CAMKMT: variants seen among roughly 807,000 people sequenced by gnomAD.
CAMKMT encodes the protein calmodulin-lysine N-methyltransferase.
CAMKMT carries 53 observed loss-of-function variants against 48.0 expected under a neutral mutation model. The ratio of observed to expected loss-of-function variants is 1.10; its 90% confidence interval spans 0.89 to 1.39. CAMKMT has a LOEUF of 1.39. Ranked by LOEUF, CAMKMT falls within the 40% of genes most tolerant of loss-of-function variation. The pLI, the probability that CAMKMT is intolerant of heterozygous loss-of-function variation, is 0.00. For synonymous variants in CAMKMT, 165 were observed against 152.3 expected (o/e 1.08, Z -0.61); for missense variants, 428 against 402.7 (o/e 1.06, Z -0.54).
intron 3 of CAMKMT, among the ~76,000 whole-genome samples, chr2:44,447,200 G>A (rs899424897): frequency 6.6e-6 from 1 of 152,188 alleles, no homozygotes; most frequent in Non-Finnish European, 1.5e-5. Flanking sequence ...TAAGAGATTG[G>A]CATAGGACAT....
chr2:44,416,152 G>C (rs527442559), intron 3 of CAMKMT, among the ~76,000 whole-genome samples: 1 of 152,170 alleles, frequency 6.6e-6, no homozygotes, highest in Non-Finnish European at 1.5e-5. Flanking sequence ...ACATACCTAC[G>C]TAACAATGTT....
chr2:44,648,129 GA>G (rs1244223992), intron 3 of CAMKMT, among the ~76,000 whole-genome samples: 4 of 151,560 alleles, frequency 2.6e-5, no homozygotes, highest in Non-Finnish European at 5.9e-5. Flanking sequence ...GACATGTCAT[GA>G]AAAAAAAGCT....
At chr2:44,654,620 C>G (rs1674268531) in intron 3 of CAMKMT, among the ~76,000 whole-genome samples, 1 of 152,164 alleles carries the variant, frequency 6.6e-6, no homozygotes. Context: ...TCAAGCAGTT[C>G]TTGTGTCTTG....
At chr2:44,673,892 T>C (rs1048774036) in intron 3 of CAMKMT, among the ~76,000 whole-genome samples, 3 of 152,186 alleles carry the variant, frequency 2.0e-5, no homozygotes, top group African/African-American at 7.2e-5. Flanking sequence ...AACAGTCTTT[T>C]AGGACACCCA....
At chr2:44,397,893 T>C (rs1397806755) in intron 3 of CAMKMT, among the ~76,000 whole-genome samples, 1 of 152,210 alleles carries the variant, frequency 6.6e-6, no homozygotes, top group Non-Finnish European at 1.5e-5. Flanking sequence ...TGCAATAATA[T>C]AGAGAGGTAG....
chr2:44,607,313 A>C lies in CAMKMT; in HGVS notation c.377-96970A>C, dbSNP rs562517072. 2.6e-5 allele frequency among the ~76,000 whole-genome samples: 4 copies of C among 152,336 alleles called. No homozygotes were observed. In the East Asian group the frequency reaches 7.7e-4, roughly 29 times the overall value. On this transcript the variant is annotated intron_variant, in intron 3 of 10. Coordinates refer to ENST00000378494, the MANE Select transcript of CAMKMT (RefSeq NM_024766.5). The stretch of plus-strand genomic sequence containing the variant: ...ACATTAAAATGTTTATCACAGTGGA[A>C]ATGGTAGAGAAATCTCTGTTTTTCT...
At chr2:44,766,226 C>T (rs1680835481) in intron 9 of CAMKMT, among the ~76,000 whole-genome samples, 1 of 152,192 alleles carries the variant, frequency 6.6e-6, no homozygotes, top group Non-Finnish European at 1.5e-5. Context: ...AGCAACTGGC[C>T]ATTTGGATGT....
chr2:44,433,477 A>C (rs1065786), intron 3 of CAMKMT, among the ~76,000 whole-genome samples: 99,265 of 151,882 alleles, frequency 0.65, 32,501 homozygotes, highest in South Asian at 0.74. Context: ...ATACGAAAAG[A>C]TGTTTTGTAG....
intron 3 of CAMKMT, among the ~76,000 whole-genome samples, chr2:44,601,885 A>G (rs1671013534): frequency 6.6e-6 from 1 of 152,136 alleles, no homozygotes; most frequent in East Asian, 1.9e-4. Flanking sequence ...GTCTAGAGGT[A>G]ATAGCTTAAC....
At chr2:44,409,735 A>G (rs1157542285) in intron 3 of CAMKMT, among the ~76,000 whole-genome samples, 1 of 152,188 alleles carries the variant, frequency 6.6e-6, no homozygotes, top group East Asian at 1.9e-4. Context: ...TGTAATTTAT[A>G]GATATTTTAA....
intron 3 of CAMKMT, among the ~76,000 whole-genome samples, chr2:44,432,453 C>T (rs184778873): frequency 6.6e-6 from 1 of 152,158 alleles, no homozygotes; most frequent in Admixed American, 6.5e-5. Context: ...AAAAGCAATG[C>T]CCCTGGGTCT....
intron 3 of CAMKMT, among the ~76,000 whole-genome samples, chr2:44,645,941 G>T (rs1449238398): frequency 6.6e-6 from 1 of 152,172 alleles, no homozygotes; most frequent in Non-Finnish European, 1.5e-5. Flanking sequence ...AATTATCTTT[G>T]CTCAGTGTTG....
chr2:44,707,390 T>G lies in CAMKMT; in HGVS notation c.493-9T>G. The G allele has an allele frequency of 6.2e-7, 1 of 1,612,168 alleles. No individual in the cohort carries two copies. ...CTCATTGTTTGCTGTGCTCCCTTTT[T>G]TTTTTCAGGTTGCTATTTCTGCAGA... On this transcript the variant is annotated splice_polypyrimidine_tract_variant and intron_variant, in intron 5 of 10. Coordinates refer to ENST00000378494, the MANE Select transcript of CAMKMT (RefSeq NM_024766.5).
intron 3 of CAMKMT, among the ~76,000 whole-genome samples, chr2:44,495,451 G>A (rs1402735742): frequency 6.6e-6 from 1 of 152,100 alleles, no homozygotes; most frequent in African/African-American, 2.4e-5. Flanking sequence ...GCCAAGAATT[G>A]ATATTTATTT....
At chr2:44,622,825 G>GA (rs1672273646) in intron 3 of CAMKMT, among the ~76,000 whole-genome samples, 2 of 152,186 alleles carry the variant, frequency 1.3e-5, no homozygotes, top group Admixed American at 6.5e-5. Flanking sequence ...TTGGTAGAAT[G>GA]ATTATATTCC....
chr2:44,520,587 T>C (rs752520056), intron 3 of CAMKMT, among the ~76,000 whole-genome samples: 4 of 152,152 alleles, frequency 2.6e-5, no homozygotes, highest in Non-Finnish European at 4.4e-5. Context: ...CATGATACAA[T>C]GGAAAAGGCA....
At chr2:44,684,737 C>A (rs1014153643) in intron 3 of CAMKMT, among the ~76,000 whole-genome samples, 6 of 152,098 alleles carry the variant, frequency 3.9e-5, no homozygotes, top group African/African-American at 1.2e-4. Context: ...TAAGCATGCA[C>A]CTTTCAGGCC....
Position 44,520,112 on chromosome 2 carries a change from G to A in CAMKMT, c.376+129807G>A, listed in dbSNP as rs187449767. Among the ~76,000 whole-genome samples, 1,250 of 151,838 alleles carry A rather than the reference G, an allele frequency of 8.2e-3. 18 individuals carry two copies. Among genetic ancestry groups the A allele is most frequent in the Admixed American group, 0.026 (404 of 15,272 alleles). On this transcript the variant is annotated intron_variant, in intron 3 of 10. Transcript: ENST00000378494. ...TGGGCACCTGTGGTCCCAGCTATTC[G>A]GGAGGCTGAGGCAGGAGAATGGCGT...
intron 3 of CAMKMT, among the ~76,000 whole-genome samples, chr2:44,465,730 A>G (rs1195141102): frequency 6.6e-6 from 1 of 152,226 alleles, no homozygotes; most frequent in Non-Finnish European, 1.5e-5. Flanking sequence ...AAACTCCTTA[A>G]TCAAAGAACA....
Sources: gnomAD v4.1 joint callset for allele counts (sites outside exome capture counted in the v4.1 genomes callset) on GRCh38, gnomAD v4.1.1 for gene constraint, MANE v1.5 for transcripts, NCBI Gene and HGNC (gene_info 2026-07-23, HGNC 2026-07-21) for gene names.